TRIM44: variants seen among roughly 807,000 people sequenced by gnomAD.
TRIM44 encodes tripartite motif containing 44, also known as tripartite motif-containing protein 44.
Under a neutral mutation model 37.4 loss-of-function variants are expected in TRIM44, and 13 were observed. The observed-to-expected ratio is 0.35, with a 90% CI of 0.23 to 0.55. TRIM44 has a LOEUF of 0.55. TRIM44 is among the 20% of genes least tolerant of loss of function. The pLI is 0.89. For missense variants in TRIM44, 426 were observed against 437.2 expected, an observed-to-expected ratio of 0.97 and a Z score of 0.23; for synonymous variants, 175 against 157.2, an observed-to-expected ratio of 1.11 and a Z score of -0.85.
rs192971826 is a variant in TRIM44 at position 35,815,590 on chromosome 11, C to G, written c.*9205C>G. ...TTTTCCCTGGAAGATTCTGACCTGT[C>G]TGATCAAATAAAGGCATTCCTCTGA... is the stretch of plus-strand genomic sequence containing the variant. On this transcript the variant is annotated 3_prime_UTR_variant, in exon 5 of 5. Coordinates refer to ENST00000299413, the MANE Select transcript of TRIM44 (RefSeq NM_017583.6). 6.6e-6 allele frequency: 1 copy of G among 152,320 alleles called. No homozygotes were observed. Among genetic ancestry groups the G allele is most frequent in the East Asian group, 1.9e-4 (1 of 5,182 alleles). The allele number at this position is 152,320 out of a possible 1,614,324, so 9.4% of individuals were successfully genotyped here.
intron 2 of TRIM44, among the ~76,000 whole-genome samples, chr11:35,691,700 A>C (rs1851637429): frequency 6.6e-6 from 1 of 152,148 alleles, no homozygotes; most frequent in African/African-American, 2.4e-5. Flanking sequence ...GCTGGAGTGC[A>C]GTGGCATGAT....
chr11:35,751,052 G>T (rs996275812), intron 4 of TRIM44, among the ~76,000 whole-genome samples: 1 of 151,798 alleles, frequency 6.6e-6, no homozygotes, highest in Non-Finnish European at 1.5e-5. Context: ...TAATAACAAC[G>T]CAGTGGTACC....
intron 3 of TRIM44, among the ~76,000 whole-genome samples, chr11:35,728,458 C>T (rs1852213357): frequency 6.6e-6 from 1 of 152,172 alleles, no homozygotes; most frequent in Admixed American, 6.5e-5. Flanking sequence ...TGGAATTACT[C>T]TTAAAGGGAT....
At chr11:35,735,351 G>A in intron 3 of TRIM44, 75 bp from the exon 4 acceptor site, 2 of 1,507,370 alleles carry the variant, frequency 1.3e-6, no homozygotes, top group Non-Finnish European at 1.8e-6. Flanking sequence ...GGAGAGGGGA[G>A]GGAAAAGAAA....
chr11:35,740,247 T>C (rs954736476), intron 4 of TRIM44, among the ~76,000 whole-genome samples: 6 of 151,676 alleles, frequency 4.0e-5, no homozygotes, highest in Non-Finnish European at 5.9e-5. Context: ...CCCTCACAGG[T>C]TGGCTCCTTC....
At position 35,715,416 on chromosome 11, in the gene TRIM44, GT is replaced by G. The variant is rs1564972528; in HGVS notation, c.748-10507del. ...ATTCTCTCTGTGTATGTGTGTGTGT[GT>G]GTGTGTGTGTGTGGGTGTGGGTGTG... On this transcript the variant is annotated intron_variant, in intron 2 of 4. Transcript: ENST00000299413. Among the ~76,000 whole-genome samples the G allele has an allele frequency of 1.8e-3, 275 of 151,842 alleles. 2 individuals carry two copies. Among genetic ancestry groups the G allele is most frequent in the African/African-American group, 6.4e-3 (264 of 41,296 alleles).
At chr11:35,793,353 C>T (rs1853242465) in intron 4 of TRIM44, among the ~76,000 whole-genome samples, 1 of 151,778 alleles carries the variant, frequency 6.6e-6, no homozygotes, top group African/African-American at 2.4e-5. Flanking sequence ...GGTGAAAACC[C>T]GTCGCTACTA....
At chr11:35,795,398 A>G (rs1853268665) in intron 4 of TRIM44, among the ~76,000 whole-genome samples, 1 of 152,016 alleles carries the variant, frequency 6.6e-6, no homozygotes, top group Admixed American at 6.6e-5. Context: ...CAATAGTTCA[A>G]GCAGGAGATG....
intron 1 of TRIM44, among the ~76,000 whole-genome samples, chr11:35,679,524 AG>A (rs1851501693): frequency 6.6e-6 from 1 of 152,208 alleles, no homozygotes; most frequent in African/African-American, 2.4e-5. Context: ...GATATCTACC[AG>A]AAAGGTAATG....
chr11:35,675,112 CTA>C (rs1267378791), intron 1 of TRIM44, among the ~76,000 whole-genome samples: 2 of 152,168 alleles, frequency 1.3e-5, no homozygotes, highest in Admixed American at 1.3e-4. Flanking sequence ...AAGGCTAGAA[CTA>C]TATGTTATTC....
chr11:35,805,806 A>G (rs1451084096), intron 4 of TRIM44, among the ~76,000 whole-genome samples: 6 of 152,176 alleles, frequency 3.9e-5, no homozygotes, highest in African/African-American at 1.2e-4. Context: ...TAAGATAGAG[A>G]ATCACCAGGG....
rs544606767 is a variant in TRIM44, at chr11:35,737,300, T to C, written c.1007+1855T>C. Among the ~76,000 whole-genome samples the C allele has an allele frequency of 2.0e-5, 3 of 152,268 alleles. No homozygotes were observed. The South Asian group carries it at 6.2e-4, about 32-fold the overall frequency. ...GAAGGCAATGGGAAGCTATTAAAGATTTTTAAACAGGAATTAACCTGAACA... is the reference window on the plus strand; with the variant it reads ...GAAGGCAATGGGAAGCTATTAAAGACTTTTAAACAGGAATTAACCTGAACA... On this transcript the variant is annotated intron_variant, in intron 4 of 4. Transcript: ENST00000299413.
At chr11:35,703,106 T>G (rs560127050) in intron 2 of TRIM44, among the ~76,000 whole-genome samples, 4 of 152,012 alleles carry the variant, frequency 2.6e-5, no homozygotes, top group Non-Finnish European at 5.9e-5. Context: ...GGAGATTATA[T>G]CCCGCACATG....
At chr11:35,774,679 T>A (rs1285816571) in intron 4 of TRIM44, among the ~76,000 whole-genome samples, 1 of 152,242 alleles carries the variant, frequency 6.6e-6, no homozygotes, top group Non-Finnish European at 1.5e-5. Context: ...TTCAGCTTCC[T>A]ACATATGGCT....
chr11:35,725,918 C>T lies in TRIM44; in HGVS notation c.748-6C>T. 1 of 1,613,390 alleles carries T rather than the reference C, an allele frequency of 6.2e-7. No individual in the cohort carries two copies. The highest frequency in any genetic ancestry group is 8.5e-7 in the Non-Finnish European group (1 of 1,179,620). On this transcript the variant is annotated splice_region_variant and splice_polypyrimidine_tract_variant and intron_variant, in intron 2 of 4. Coordinates refer to ENST00000299413, the MANE Select transcript of TRIM44 (RefSeq NM_017583.6). Reference sequence around the variant, plus strand: ...CTTATTCTTCTTATTTGTCTCTGTTCTAAAGGTAACTCGGGACCAAATGAA... The same window carrying T: ...CTTATTCTTCTTATTTGTCTCTGTTTTAAAGGTAACTCGGGACCAAATGAA...
chr11:35,697,038 T>G (rs757526345), intron 2 of TRIM44, among the ~76,000 whole-genome samples: 37 of 152,182 alleles, frequency 2.4e-4, no homozygotes, highest in Non-Finnish European at 4.7e-4. Context: ...CAATCTTAGT[T>G]TGACCATAAG....
At chr11:35,751,752 G>A (rs1395960391) in intron 4 of TRIM44, among the ~76,000 whole-genome samples, 1 of 152,150 alleles carries the variant, frequency 6.6e-6, no homozygotes, top group African/African-American at 2.4e-5. Context: ...GCTTAAATGA[G>A]TCATGAGTCA....
intron 1 of TRIM44, among the ~76,000 whole-genome samples, chr11:35,665,802 T>G (rs1851325757): frequency 6.6e-6 from 1 of 151,990 alleles, no homozygotes; most frequent in Non-Finnish European, 1.5e-5. Flanking sequence ...TTTGCCATGT[T>G]GACCAGGCTG....
At chr11:35,685,547 C>G (rs1157301749) in intron 2 of TRIM44, among the ~76,000 whole-genome samples, 1 of 152,228 alleles carries the variant, frequency 6.6e-6, no homozygotes, top group African/African-American at 2.4e-5. Flanking sequence ...CATAATCATT[C>G]ATTGTTTTCC....
Sources: allele counts gnomAD v4.1 joint callset (sites outside exome capture counted in the v4.1 genomes callset), GRCh38; gene constraint gnomAD v4.1.1; transcripts MANE v1.5; gene names NCBI Gene and HGNC (gene_info 2026-07-23, HGNC 2026-07-21).